Variants in SLCO3A1 observed in about 807,000 individuals in gnomAD.
The protein encoded by SLCO3A1 is PGE1 transporter.
A neutral mutation model predicts 63.1 loss-of-function variants in SLCO3A1; 27 were observed. The ratio of observed to expected loss-of-function variants is 0.43; its 90% CI spans 0.32 to 0.59. SLCO3A1 has a LOEUF of 0.59. Among genes scored for constraint, SLCO3A1 ranks in the 20% least tolerant of loss-of-function variants. The probability of loss-of-function intolerance (pLI) is 0.09; values close to 1 mark genes in which losing one functional copy is unlikely to be tolerated. For missense variants in SLCO3A1, 773 were observed against 945.8 expected (o/e 0.82, Z 2.40); for synonymous variants, 473 against 409.9 (o/e 1.15, Z -1.86).
intron 2 of SLCO3A1, among the ~76,000 whole-genome samples, chr15:92,046,312 C>G (rs981041211): frequency 6.6e-6 from 1 of 151,522 alleles, no homozygotes; most frequent in African/African-American, 2.4e-5. Flanking sequence ...ATCAGGAGTT[C>G]GAGACCAGCC....
At chr15:92,035,259 C>A (rs1247970387) in intron 2 of SLCO3A1, among the ~76,000 whole-genome samples, 1 of 151,776 alleles carries the variant, frequency 6.6e-6, no homozygotes, top group Non-Finnish European at 1.5e-5. Flanking sequence ...ATCAAAATTG[C>A]TCTGTGCTGT....
chr15:91,889,311 A>G (rs1487585592), intron 1 of SLCO3A1: 4 of 459,098 alleles, frequency 8.7e-6, no homozygotes, highest in African/African-American at 2.0e-5. Flanking sequence ...GGCCTCTGCT[A>G]TCTCCCCTAA....
Position 91,999,026 on chromosome 15 carries a change from T to A in SLCO3A1, c.646+82568T>A. On this transcript the variant is annotated intron_variant, in intron 2 of 9. Coordinates refer to ENST00000318445, the MANE Select transcript of SLCO3A1 (RefSeq NM_013272.4). ...CGGGAGGCCATTATCCTAAGCAAAT[T>A]ATGCAGGAACAGAAAATCAAATACC... Among the ~76,000 whole-genome samples the A allele has an allele frequency of 1.3e-5, 2 of 152,334 alleles. 1 individual carries two copies. The highest frequency in any genetic ancestry group is 4.8e-5 in the African/African-American group (2 of 41,586).
intron 7 of SLCO3A1, among the ~76,000 whole-genome samples, chr15:92,133,674 G>A (rs2048023245): frequency 1.4e-5 from 2 of 145,558 alleles, no homozygotes; most frequent in African/African-American, 5.0e-5. Context: ...CCGATGATCT[G>A]TCATTGTCTC....
chr15:91,978,463 C>T (rs544664506), intron 2 of SLCO3A1, among the ~76,000 whole-genome samples: 6 of 152,298 alleles, frequency 3.9e-5, no homozygotes, highest in Admixed American at 2.6e-4. Context: ...ACCCAAGCCA[C>T]CAACTCATCT....
rs758377816 is a variant in SLCO3A1 at position 92,033,613 on chromosome 15, A to G, written c.647-61268A>G. Among the ~76,000 whole-genome samples, 3 of 152,254 alleles carry G rather than the reference A, an allele frequency of 2.0e-5. No individual in the cohort carries two copies. The highest frequency in any genetic ancestry group is 2.9e-5 in the Non-Finnish European group (2 of 68,050). Reference sequence around the variant, plus strand: ...CTAGCTTAAGAGCTGTGCATACAGCAGCAAACAAAATAGAGAAAAATCCCT... The same window carrying G: ...CTAGCTTAAGAGCTGTGCATACAGCGGCAAACAAAATAGAGAAAAATCCCT... On this transcript the variant is annotated intron_variant, in intron 2 of 9. Coordinates refer to ENST00000318445, the MANE Select transcript of SLCO3A1 (RefSeq NM_013272.4). This position sits in a 1 kb window ranked among gnomAD's most constrained non-coding sequence, Gnocchi z 4.5.
chr15:91,995,733 GAAAAAAAAAA>G (rs34688452), intron 2 of SLCO3A1, among the ~76,000 whole-genome samples: 1 of 79,780 alleles, frequency 1.3e-5, no homozygotes, highest in African/African-American at 4.5e-5. Flanking sequence ...AGATTTTCTT[GAAAAAAAAAA>G]AAAAAAAAAC....
At chr15:92,114,863 C>T (rs2047774510) in intron 4 of SLCO3A1, among the ~76,000 whole-genome samples, 1 of 152,156 alleles carries the variant, frequency 6.6e-6, no homozygotes, top group Non-Finnish European at 1.5e-5. Flanking sequence ...TCCCTCACCT[C>T]CCAGCTCTGC....
downstream of SLCO3A1, among the ~76,000 whole-genome samples, chr15:92,169,158 C>T (rs1317407306): frequency 4.6e-5 from 7 of 152,324 alleles, no homozygotes; most frequent in East Asian, 9.6e-4. Flanking sequence ...TCAACCATAA[C>T]CCTGTGAGGT....
intron 2 of SLCO3A1, among the ~76,000 whole-genome samples, chr15:92,013,023 A>G (rs760571111): frequency 3.9e-5 from 6 of 152,206 alleles, no homozygotes; most frequent in Non-Finnish European, 8.8e-5. Flanking sequence ...GAAAATAGCC[A>G]GTGGCCCCAC....
chr15:92,030,958 A>G (rs2046639825), intron 2 of SLCO3A1, among the ~76,000 whole-genome samples: 1 of 136,892 alleles, frequency 7.3e-6, no homozygotes, highest in Non-Finnish European at 1.5e-5. Context: ...TGTGCTGTAG[A>G]ATTACATAAA....
intron 7 of SLCO3A1, among the ~76,000 whole-genome samples, chr15:92,130,621 C>A (rs1028708276): frequency 1.3e-5 from 2 of 152,008 alleles, no homozygotes; most frequent in Non-Finnish European, 2.9e-5. Flanking sequence ...ATAAAACTTG[C>A]AGCAGCAGCA....
At chr15:92,156,422 T>G (rs901721414) in intron 9 of SLCO3A1, among the ~76,000 whole-genome samples, 3 of 152,168 alleles carry the variant, frequency 2.0e-5, no homozygotes, top group African/African-American at 7.2e-5. Context: ...TGAGATGACA[T>G]CCAGTATTTA....
At chr15:92,046,387 G>A (rs1330371225) in intron 2 of SLCO3A1, among the ~76,000 whole-genome samples, 1 of 151,826 alleles carries the variant, frequency 6.6e-6, no homozygotes, top group Non-Finnish European at 1.5e-5. Context: ...ATACCTGGGC[G>A]ATGTGGCTGG....
chr15:92,093,484 G>T (rs1161794011), intron 2 of SLCO3A1, among the ~76,000 whole-genome samples: 1 of 152,158 alleles, frequency 6.6e-6, no homozygotes, highest in Admixed American at 6.5e-5. Flanking sequence ...CAATATTATG[G>T]ATTACACTTC....
chr15:92,107,592 A>C (rs1399702393), intron 4 of SLCO3A1, among the ~76,000 whole-genome samples: 1 of 152,224 alleles, frequency 6.6e-6, no homozygotes, highest in Non-Finnish European at 1.5e-5. Flanking sequence ...CATAGAACTG[A>C]CATTGCTCCT....
intron 5 of SLCO3A1, among the ~76,000 whole-genome samples, chr15:92,123,320 T>C (rs967131759): frequency 6.6e-6 from 1 of 152,022 alleles, no homozygotes; most frequent in Non-Finnish European, 1.5e-5. Context: ...GGCAGTAGAA[T>C]CGCTTGAACC....
At position 91,862,485 on chromosome 15, in the gene SLCO3A1, A is replaced by G. The variant is rs538178087; in HGVS notation, c.180+8397A>G. ...CAGGCTGTGCCCATAAACCCATCCCATAGGCAGTGATGGGACTACCACATT... is the reference window on the plus strand; with the variant it reads ...CAGGCTGTGCCCATAAACCCATCCCGTAGGCAGTGATGGGACTACCACATT... On this transcript the variant is annotated intron_variant, in intron 1 of 9. Transcript: ENST00000318445. The surrounding 1 kb of genome is among the most constrained non-coding windows in gnomAD (Gnocchi z 4.0). Among the ~76,000 whole-genome samples the G allele has an allele frequency of 6.6e-6, 1 of 152,224 alleles. No homozygotes were observed. Among genetic ancestry groups the G allele is most frequent in the South Asian group, 2.1e-4 (1 of 4,824 alleles).
At chr15:92,087,368 T>A (rs2047418143) in intron 2 of SLCO3A1, among the ~76,000 whole-genome samples, 1 of 152,240 alleles carries the variant, frequency 6.6e-6, no homozygotes, top group African/African-American at 2.4e-5. Flanking sequence ...GAAGTCCTGA[T>A]ACCCAACAGG....
Sources: allele counts gnomAD v4.1 joint callset (sites outside exome capture counted in the v4.1 genomes callset), GRCh38; gene constraint gnomAD v4.1.1; non-coding constraint Gnocchi (gnomAD v3.1); transcripts MANE v1.5; gene names NCBI Gene and HGNC (gene_info 2026-07-23, HGNC 2026-07-21).